PHF21B: variants seen among roughly 807,000 people sequenced by gnomAD.
PHF21B encodes the protein PHD finger protein 4.
Under a neutral mutation model 62.2 loss-of-function variants are expected in PHF21B, and 22 were observed. The ratio of observed to expected loss-of-function variants is 0.35; its 90% confidence interval spans 0.25 to 0.51. PHF21B has a LOEUF of 0.51. Among genes scored for constraint, PHF21B ranks in the 20% least tolerant of loss-of-function variants. PHF21B has a pLI of 0.97. For synonymous variants in PHF21B, 341 were observed against 314.7 expected (o/e 1.08, Z -0.88); for missense variants, 701 against 707.9 (o/e 0.99, Z 0.11).
chr22:44,981,262 T>C (rs907371307), intron 2 of PHF21B, among the ~76,000 whole-genome samples: 16 of 152,176 alleles, frequency 1.1e-4, no homozygotes. Flanking sequence ...CTGAGCGGCA[T>C]GATCTGTTCA....
At chr22:44,926,486 G>A (rs2071634529) in intron 2 of PHF21B, among the ~76,000 whole-genome samples, 1 of 152,250 alleles carries the variant, frequency 6.6e-6, no homozygotes, top group South Asian at 2.1e-4. Flanking sequence ...CAGCCCGTGA[G>A]GAGGTGTGGG....
At chr22:44,923,905 G>A (rs1233172028) in intron 2 of PHF21B, among the ~76,000 whole-genome samples, 3 of 151,840 alleles carry the variant, frequency 2.0e-5, no homozygotes. Flanking sequence ...CAGCTGCTTG[G>A]GAGGCTGAGG....
chr22:44,883,573 C>T (rs915711220), intron 12 of PHF21B, among the ~76,000 whole-genome samples: 10 of 152,120 alleles, frequency 6.6e-5, no homozygotes, highest in African/African-American at 2.4e-4. Flanking sequence ...ACCTCCTCCT[C>T]CCCGCTAGCT....
chr22:44,899,524 C>T (rs1310882415), intron 5 of PHF21B, among the ~76,000 whole-genome samples: 2 of 152,024 alleles, frequency 1.3e-5, no homozygotes, highest in Non-Finnish European at 2.9e-5. Context: ...CTCTTGACCT[C>T]AGGTGATCTG....
chr22:44,960,294 G>A (rs1157483627), intron 2 of PHF21B, among the ~76,000 whole-genome samples: 2 of 152,074 alleles, frequency 1.3e-5, no homozygotes, highest in African/African-American at 4.8e-5. Flanking sequence ...CCTGAGTTCG[G>A]TGTCAGATGA....
intron 2 of PHF21B, among the ~76,000 whole-genome samples, chr22:44,977,666 C>A (rs1332969415): frequency 6.6e-6 from 1 of 151,704 alleles, no homozygotes; most frequent in Non-Finnish European, 1.5e-5. Flanking sequence ...GCAGCCTCAA[C>A]CTCCTGGGCT....
At chr22:44,936,345 G>A (rs776721060) in intron 2 of PHF21B, among the ~76,000 whole-genome samples, 1 of 152,242 alleles carries the variant, frequency 6.6e-6, no homozygotes, top group Non-Finnish European at 1.5e-5. Flanking sequence ...CGCAGCCTCA[G>A]GCCGACTGTC....
At chr22:44,886,033 C>A (rs925198374) in intron 10 of PHF21B, 95 bp from the exon 11 acceptor site, 2 of 1,160,866 alleles carry the variant, frequency 1.7e-6, no homozygotes, top group Admixed American at 2.0e-5. Context: ...GGGGCACGCC[C>A]TGTCTGAGCC....
intron 2 of PHF21B, among the ~76,000 whole-genome samples, chr22:44,999,563 TTACTA>T (rs1453758659): frequency 3.9e-5 from 6 of 152,070 alleles, no homozygotes; most frequent in African/African-American, 1.4e-4. Context: ...ACCAGGACGG[TTACTA>T]ACTTGCTGGG....
chr22:44,946,527 T>G (rs569844051), intron 2 of PHF21B, among the ~76,000 whole-genome samples: 1 of 151,916 alleles, frequency 6.6e-6, no homozygotes, highest in Admixed American at 6.5e-5. Flanking sequence ...GGTGGACGGA[T>G]GGTGGGTGGA....
At chr22:44,925,480 G>C (rs1471965692) in intron 2 of PHF21B, among the ~76,000 whole-genome samples, 1 of 152,132 alleles carries the variant, frequency 6.6e-6, no homozygotes, top group Non-Finnish European at 1.5e-5. Context: ...TGTCCCATGG[G>C]GGTCAAAACT....
chr22:44,933,707 C>G (rs557816130), intron 2 of PHF21B, among the ~76,000 whole-genome samples: 1 of 121,108 alleles, frequency 8.3e-6, no homozygotes, highest in East Asian at 2.2e-4. Context: ...TGGAGCTCTT[C>G]GTGCAGATAA....
At chr22:44,935,919 G>T (rs2071836609) in intron 2 of PHF21B, among the ~76,000 whole-genome samples, 1 of 152,170 alleles carries the variant, frequency 6.6e-6, no homozygotes, top group Non-Finnish European at 1.5e-5. Context: ...ACTCTGGGCT[G>T]GGGCCCAGAG....
Position 44,914,055 on chromosome 22 carries a change from C to T in PHF21B, c.598G>A (p.Ala200Thr), listed in dbSNP as rs541621847. 16 of 920,390 alleles carry T rather than the reference C, an allele frequency of 1.7e-5. No homozygotes were observed. In the Admixed American group the frequency reaches 1.8e-4, roughly 10 times the overall value. 57.0% of individuals were successfully genotyped at this position (920,390 alleles called of 1,614,324 possible). A position where few individuals can be genotyped will look rare whatever the true frequency, so the allele number is the denominator to read the frequency against. Residue 200 changes from alanine to threonine, a missense_variant, in exon 5 of 13, where the codon GCA becomes ACA. Physicochemically the swap from Ala to Thr is moderately conservative, Grantham distance 58. Coordinates refer to ENST00000313237, the MANE Select transcript of PHF21B (RefSeq NM_138415.5). ...PPRLLSSPHP[A>T]THHCPLHPSS... The stretch of plus-strand genomic sequence containing the variant: ...GGGTGGAGGGGACAGTGATGGGTTG[C>T]GGGGTGAGGGGAAGAGAGGAGGCGT...
At chr22:44,957,639 T>C (rs2072328353) in intron 2 of PHF21B, among the ~76,000 whole-genome samples, 1 of 152,212 alleles carries the variant, frequency 6.6e-6, no homozygotes, top group South Asian at 2.1e-4. Flanking sequence ...AGTTCCCTGA[T>C]AGAATTATAA....
chr22:45,000,985 C>T (rs1437063639), intron 2 of PHF21B: 2 of 152,182 alleles, frequency 1.3e-5, no homozygotes, highest in South Asian at 2.1e-4. Flanking sequence ...AAACGGAGCT[C>T]GTTCAGAGAG....
intron 2 of PHF21B, among the ~76,000 whole-genome samples, chr22:44,956,339 A>G (rs11703912): frequency 0.26 from 40,229 of 152,174 alleles, 6,531 homozygotes; most frequent in African/African-American, 0.45. Flanking sequence ...GGGCCCGAGA[A>G]TCAGTACTTT....
At chr22:44,990,924 G>A (rs762471295) in intron 2 of PHF21B, among the ~76,000 whole-genome samples, 3 of 152,088 alleles carry the variant, frequency 2.0e-5, no homozygotes, top group Admixed American at 2.0e-4. Flanking sequence ...CGCTAACTGC[G>A]TGGCCAGGGG....
chr22:44,996,673 CACAA>C (rs1025275621), intron 2 of PHF21B, among the ~76,000 whole-genome samples: 42 of 152,132 alleles, frequency 2.8e-4, no homozygotes, highest in African/African-American at 1.0e-3. Context: ...CACACAGACA[CACAA>C]ACACACACAC....
Sources: allele counts gnomAD v4.1 joint callset (sites outside exome capture counted in the v4.1 genomes callset), GRCh38; gene constraint gnomAD v4.1.1; transcripts MANE v1.5; gene names NCBI Gene and HGNC (gene_info 2026-07-23, HGNC 2026-07-21).